PDE1C: variants seen among roughly 807,000 people sequenced by gnomAD.
The protein encoded by PDE1C is dual specificity calcium/calmodulin-dependent 3',5'-cyclic nucleotide phosphodiesterase 1C.
A neutral mutation model predicts 93.1 loss-of-function variants in PDE1C; 62 were observed. The observed-to-expected ratio is 0.67, with a 90% CI of 0.54 to 0.82. The LOEUF (loss-of-function observed/expected upper bound fraction) is 0.82. PDE1C is among the 40% of genes least tolerant of loss of function. The pLI is 0.00. For synonymous variants in PDE1C, 325 were observed against 310.1 expected, an observed-to-expected ratio of 1.05 and a Z score of -0.50; for missense variants, 742 against 884.6, an observed-to-expected ratio of 0.84 and a Z score of 2.04.
chr7:31,722,002 G>A, the PDE1C span, among the ~76,000 whole-genome samples: 4 of 152,108 alleles, frequency 2.6e-5, no homozygotes, highest in Non-Finnish European at 4.4e-5. Context: ...TAACTCTTAC[G>A]GCTCAAACTC....
chr7:32,207,396 C>G (rs534203946), intron 2 of PDE1C, among the ~76,000 whole-genome samples: 1 of 151,804 alleles, frequency 6.6e-6, no homozygotes, highest in Admixed American at 6.6e-5. Flanking sequence ...TCCTCCCAAT[C>G]TTCCCAAACT....
intron 2 of PDE1C, among the ~76,000 whole-genome samples, chr7:32,179,899 T>C (rs945129351): frequency 2.0e-5 from 3 of 152,204 alleles, no homozygotes; most frequent in Non-Finnish European, 4.4e-5. Flanking sequence ...GACATAGTTC[T>C]CTGTAAAGGG....
chr7:31,731,876 A>G, the PDE1C span, among the ~76,000 whole-genome samples: 10 of 152,182 alleles, frequency 6.6e-5, no homozygotes, highest in African/African-American at 1.4e-4. Context: ...TTGAGTGACT[A>G]CTTCTGCATG....
intron 1 of PDE1C, among the ~76,000 whole-genome samples, chr7:32,418,262 A>G (rs1487195975): frequency 6.6e-6 from 1 of 152,178 alleles, no homozygotes; most frequent in Non-Finnish European, 1.5e-5. Context: ...GCTGCTACTG[A>G]TGTCTCAGGC....
chr7:32,252,546 G>A (rs908091447), intron 1 of PDE1C, among the ~76,000 whole-genome samples: 1 of 152,196 alleles, frequency 6.6e-6, no homozygotes, highest in African/African-American at 2.4e-5. Context: ...GCAAGGGCAG[G>A]CAAGGAGGAG....
chr7:31,696,674 T>C, the PDE1C span, among the ~76,000 whole-genome samples: 1 of 152,206 alleles, frequency 6.6e-6, no homozygotes, highest in Non-Finnish European at 1.5e-5. Context: ...CTGGGCACAT[T>C]TCTTTGCCTG....
At chr7:31,831,514 A>ACG (rs1790405628) in intron 11 of PDE1C, among the ~76,000 whole-genome samples, 1 of 151,860 alleles carries the variant, frequency 6.6e-6, no homozygotes, top group Admixed American at 6.6e-5. Context: ...ACACACACAC[A>ACG]CACACGCACA....
At chr7:31,968,375 T>A (rs1438824144) in intron 2 of PDE1C, among the ~76,000 whole-genome samples, 1 of 151,762 alleles carries the variant, frequency 6.6e-6, no homozygotes, top group Middle Eastern at 3.4e-3. Flanking sequence ...TCAAAGAGAA[T>A]AAAATACCTA....
At chr7:32,157,889 T>A (rs993152304) in intron 3 of PDE1C, among the ~76,000 whole-genome samples, 1 of 152,196 alleles carries the variant, frequency 6.6e-6, no homozygotes, top group Non-Finnish European at 1.5e-5. Context: ...AATATTATTT[T>A]AAAAAACAAA....
intron 2 of PDE1C, among the ~76,000 whole-genome samples, chr7:32,187,550 T>C (rs1803965240): frequency 6.6e-6 from 1 of 150,580 alleles, no homozygotes; most frequent in South Asian, 2.1e-4. Flanking sequence ...TAACATTCTG[T>C]TTTCTAATTT....
At chr7:31,622,870 T>A in the PDE1C span, among the ~76,000 whole-genome samples, 1 of 151,814 alleles carries the variant, frequency 6.6e-6, no homozygotes, top group Admixed American at 6.6e-5. Flanking sequence ...GCAAGACTAA[T>A]AAAGAAGAAA....
chr7:31,792,572 T>G (rs1784710177), intron 16 of PDE1C, among the ~76,000 whole-genome samples: 1 of 152,096 alleles, frequency 6.6e-6, no homozygotes, highest in South Asian at 2.1e-4. Flanking sequence ...GAAACCCAAT[T>G]ATGGATGGCT....
At chr7:32,361,138 T>C (rs1200112422) in intron 1 of PDE1C, among the ~76,000 whole-genome samples, 2 of 152,146 alleles carry the variant, frequency 1.3e-5, no homozygotes, top group Non-Finnish European at 2.9e-5. Context: ...TCAGTACTCA[T>C]AGCTTTGTAC....
intron 1 of PDE1C, among the ~76,000 whole-genome samples, chr7:32,373,921 AG>A (rs1185392125): frequency 6.6e-6 from 1 of 152,120 alleles, no homozygotes; most frequent in Non-Finnish European, 1.5e-5. Context: ...CAGAAGGCAG[AG>A]GTTGCAGTGA....
At chr7:32,173,503 ATAAC>A (rs1802783724) in intron 2 of PDE1C, among the ~76,000 whole-genome samples, 1 of 151,814 alleles carries the variant, frequency 6.6e-6, no homozygotes, top group South Asian at 2.1e-4. Flanking sequence ...ATAGAATAAA[ATAAC>A]AATAAATAAA....
At chr7:32,161,323 G>T (rs1004505711) in intron 3 of PDE1C, among the ~76,000 whole-genome samples, 2 of 152,166 alleles carry the variant, frequency 1.3e-5, no homozygotes, top group African/African-American at 4.8e-5. Flanking sequence ...ATCCAAGAGA[G>T]CACAGAGCAT....
At chr7:32,274,214 T>A (rs6977490) in intron 1 of PDE1C, among the ~76,000 whole-genome samples, 39,309 of 151,306 alleles carry the variant, frequency 0.26, 5,351 homozygotes, top group East Asian at 0.45. Context: ...TTTTAATTTT[T>A]TTTTTTTTTT....
intron 1 of PDE1C, among the ~76,000 whole-genome samples, chr7:32,241,401 T>C (rs1374762496): frequency 1.3e-5 from 2 of 152,160 alleles, no homozygotes; most frequent in Non-Finnish European, 2.9e-5. Context: ...TGGCCAACCA[T>C]GTCAAATGCT....
intron 1 of PDE1C, among the ~76,000 whole-genome samples, chr7:32,069,061 C>A (rs540581677): frequency 1.8e-4 from 27 of 152,166 alleles, no homozygotes; most frequent in African/African-American, 6.0e-4. Context: ...GGTGGCTAGA[C>A]AAGTCAAAAA....
Sources: allele counts gnomAD v4.1 joint callset (sites outside exome capture counted in the v4.1 genomes callset), GRCh38; gene constraint gnomAD v4.1.1; transcripts MANE v1.5; gene names NCBI Gene and HGNC (gene_info 2026-07-23, HGNC 2026-07-21).